CADPS2: variants seen among roughly 807,000 people sequenced by gnomAD.
CADPS2 encodes the protein calcium-dependent secretion activator 2.
CADPS2 carries 93 observed loss-of-function variants against 172.5 expected under a neutral mutation model. That is an observed-to-expected ratio of 0.54 (90% CI 0.46 to 0.64). The LOEUF (loss-of-function observed/expected upper bound fraction) is 0.64, where lower values mean the gene tolerates loss of function less well. CADPS2 is among the 30% of genes least tolerant of loss of function. The pLI is 0.00. For synonymous variants in CADPS2, 546 were observed against 555.2 expected (o/e 0.98, Z 0.23); for missense variants, 1,420 against 1,565.9 (o/e 0.91, Z 1.57).
chr7:122,335,815 T>C (rs984915862), intron 28 of CADPS2, among the ~76,000 whole-genome samples: 4 of 152,086 alleles, frequency 2.6e-5, no homozygotes, highest in Non-Finnish European at 5.9e-5. Flanking sequence ...TATCCTGGAG[T>C]AGACAAGTAT....
intron 2 of CADPS2, among the ~76,000 whole-genome samples, chr7:122,676,981 T>C (rs1401725660): frequency 6.6e-6 from 1 of 152,202 alleles, no homozygotes; most frequent in East Asian, 1.9e-4. Context: ...CAAGAACATA[T>C]TTTCTGTTCC....
At chr7:122,720,176 T>C (rs1456680410) in intron 2 of CADPS2, among the ~76,000 whole-genome samples, 1 of 151,998 alleles carries the variant, frequency 6.6e-6, no homozygotes, top group Non-Finnish European at 1.5e-5. Flanking sequence ...TAACGAGTCA[T>C]TCTAGAGTTA....
At chr7:122,843,178 C>A (rs1811042491) in intron 1 of CADPS2, among the ~76,000 whole-genome samples, 1 of 151,962 alleles carries the variant, frequency 6.6e-6, no homozygotes, top group South Asian at 2.1e-4. Flanking sequence ...AGATAACTCT[C>A]ATTTTTGAAT....
At chr7:122,447,543 A>ATTTT (rs1159112244) in intron 15 of CADPS2, among the ~76,000 whole-genome samples, 1,051 of 89,774 alleles carry the variant, frequency 0.012, 117 homozygotes, top group African/African-American at 0.017. Context: ...GTTTCGGGGA[A>ATTTT]TTTTTTTTTT....
At chr7:122,478,264 A>C (rs2056928796) in intron 12 of CADPS2, among the ~76,000 whole-genome samples, 1 of 152,236 alleles carries the variant, frequency 6.6e-6, no homozygotes, top group Non-Finnish European at 1.5e-5. Flanking sequence ...GATTTCTCTG[A>C]TAATGGAAAA....
At chr7:122,878,652 A>G (rs1310661572) in intron 1 of CADPS2, among the ~76,000 whole-genome samples, 1 of 139,690 alleles carries the variant, frequency 7.2e-6, no homozygotes, top group African/African-American at 2.6e-5. Context: ...ATAAATAAAT[A>G]AATAAATAAA....
intron 6 of CADPS2, among the ~76,000 whole-genome samples, chr7:122,594,547 T>C (rs1287522225): frequency 6.6e-6 from 1 of 152,016 alleles, no homozygotes; most frequent in Non-Finnish European, 1.5e-5. Flanking sequence ...TTTTGTGAAG[T>C]ATTCATGCCA....
intron 3 of CADPS2, among the ~76,000 whole-genome samples, chr7:122,631,607 G>A (rs1053669443): frequency 6.6e-6 from 1 of 151,580 alleles, no homozygotes; most frequent in Non-Finnish European, 1.5e-5. Flanking sequence ...TTAATGACTT[G>A]ATCACATTTG....
intron 1 of CADPS2, among the ~76,000 whole-genome samples, chr7:122,873,462 T>C (rs1820356645): frequency 6.6e-6 from 1 of 152,110 alleles, no homozygotes; most frequent in Admixed American, 6.6e-5. Context: ...AGGATGATGG[T>C]TTTCAGCTTC....
chr7:122,666,551 C>T (rs1429625151), intron 2 of CADPS2, among the ~76,000 whole-genome samples: 2 of 151,994 alleles, frequency 1.3e-5, no homozygotes, highest in Admixed American at 6.6e-5. Context: ...ACCATGTTGG[C>T]CAGGCTGGTC....
At chr7:122,709,965 A>G (rs1403598816) in intron 2 of CADPS2, among the ~76,000 whole-genome samples, 1 of 151,304 alleles carries the variant, frequency 6.6e-6, no homozygotes, top group Non-Finnish European at 1.5e-5. Flanking sequence ...CTAAATGACG[A>G]GTTAATGGGT....
intron 1 of CADPS2, among the ~76,000 whole-genome samples, chr7:122,766,423 T>C (rs2093553456): frequency 6.6e-6 from 1 of 152,156 alleles, no homozygotes; most frequent in Non-Finnish European, 1.5e-5. Context: ...AAATATTTTA[T>C]ACCGATAAGA....
intron 7 of CADPS2, among the ~76,000 whole-genome samples, chr7:122,563,123 G>A (rs2065963506): frequency 6.6e-6 from 1 of 151,950 alleles, no homozygotes; most frequent in Non-Finnish European, 1.5e-5. Context: ...CACTTTTCTT[G>A]TTTATAAGGT....
chr7:122,402,827 A>G (rs1045447022), intron 20 of CADPS2, among the ~76,000 whole-genome samples: 8 of 152,220 alleles, frequency 5.3e-5, no homozygotes, highest in Non-Finnish European at 1.2e-4. Context: ...TCAACAAATT[A>G]ACTCCCTTCC....
intron 3 of CADPS2, among the ~76,000 whole-genome samples, chr7:122,660,703 G>C (rs904773047): frequency 6.6e-6 from 1 of 151,938 alleles, no homozygotes; most frequent in African/African-American, 2.4e-5. Context: ...GAGGTCAGGA[G>C]ATCGAGACCA....
chr7:122,836,029 G>T (rs926120431), intron 1 of CADPS2, among the ~76,000 whole-genome samples: 7 of 152,202 alleles, frequency 4.6e-5, no homozygotes, highest in Non-Finnish European at 7.3e-5. Flanking sequence ...CAGCCAGAGA[G>T]AAAGGTCGGG....
chr7:122,363,313 T>C (rs1042590802), intron 25 of CADPS2, among the ~76,000 whole-genome samples: 2 of 152,218 alleles, frequency 1.3e-5, no homozygotes, highest in Non-Finnish European at 2.9e-5. Flanking sequence ...GCAATTGCTA[T>C]GGTTACTAGA....
chr7:122,799,990 T>C (rs556261119), intron 1 of CADPS2, among the ~76,000 whole-genome samples: 10 of 152,294 alleles, frequency 6.6e-5, no homozygotes, highest in African/African-American at 1.9e-4. Flanking sequence ...AAAAAAGATA[T>C]GTAACCTCTA....
At chr7:122,510,883 G>A (rs186197656) in intron 9 of CADPS2, among the ~76,000 whole-genome samples, 53 of 152,168 alleles carry the variant, frequency 3.5e-4, no homozygotes, top group Non-Finnish European at 2.5e-4. Context: ...TTCCCATTAC[G>A]TTTGGAATTG....
Sources: allele counts gnomAD v4.1 joint callset (sites outside exome capture counted in the v4.1 genomes callset), GRCh38; gene constraint gnomAD v4.1.1; transcripts MANE v1.5; gene names NCBI Gene and HGNC (gene_info 2026-07-23, HGNC 2026-07-21).